The following ADGRG3 variants were observed in gnomAD, a reference collection of about 807,000 sequenced individuals.
The protein encoded by ADGRG3 is G protein-coupled receptor 97.
In ADGRG3, 39 loss-of-function variants were observed where a neutral mutation model predicts 54.3. The observed-to-expected ratio is 0.72, with a 90% CI of 0.56 to 0.94. The LOEUF (loss-of-function observed/expected upper bound fraction) is 0.94, where lower values mean the gene tolerates loss of function less well. Among genes scored for constraint, ADGRG3 ranks in the 40% least tolerant of loss-of-function variants. The pLI is 0.00. For missense variants in ADGRG3, 654 were observed against 694.6 expected (o/e 0.94, Z 0.66); for synonymous variants, 312 against 290.0 (o/e 1.08, Z -0.77).
intron 8 of ADGRG3, among the ~76,000 whole-genome samples, chr16:57,680,909 G>A (rs1360915308): frequency 1.3e-5 from 2 of 152,190 alleles, no homozygotes; most frequent in African/African-American, 4.8e-5. Flanking sequence ...AAGGTGCATG[G>A]ACTTCTGGCA....
intron 3 of ADGRG3, among the ~76,000 whole-genome samples, chr16:57,677,958 G>A (rs1253994271): frequency 3.3e-5 from 5 of 152,184 alleles, no homozygotes; most frequent in South Asian, 2.1e-4. Context: ...TGGGAAAACC[G>A]AGGCTCCACA....
intron 2 of ADGRG3, among the ~76,000 whole-genome samples, chr16:57,675,197 C>T (rs1211293997): frequency 7.9e-5 from 12 of 151,938 alleles, no homozygotes; most frequent in African/African-American, 2.9e-4. Context: ...ATACAGGGGC[C>T]AGGCACTGTG....
In ADGRG3 at chr16:57,684,077, G is replaced by T. The variant is rs762545443; in HGVS notation, c.1027G>T (p.Ala343Ser). The change falls in exon 9 of 12, where the codon GCT (alanine) becomes TCT (serine). Residue 343 changes from alanine to serine, a missense_variant. Transcript: ENST00000333493. ...TGATGCTGCCTGCTGGGCCCGGGGG[G>T]CTGTCTTCCACTACTTCCTGCTCTG... The part of the protein sequence containing the change: ...GSDAACWARG[A>S]VFHYFLLCAF... 1 of 1,613,974 alleles carries T rather than the reference G, an allele frequency of 6.2e-7. No homozygotes were observed. Among genetic ancestry groups the T allele is most frequent in the African/African-American group, 1.3e-5 (1 of 74,906 alleles).
rs749697653 is a variant in ADGRG3, at chr16:57,684,493, G to A, written c.1256+10G>A. ...GCACCTCTCTGGAGCTGTGAGTGGC[G>A]GCTGTGGGAGCAGGGGTGATGCCAG... On this transcript the variant is annotated intron_variant, in intron 10 of 11. Transcript: ENST00000333493. 6.2e-6 allele frequency: 10 copies of A among 1,603,602 alleles called. No homozygotes were observed. Among genetic ancestry groups the A allele is most frequent in the Admixed American group, 3.3e-5 (2 of 59,950 alleles).
chr16:57,671,933 C>T lies in ADGRG3; in HGVS notation c.59-1388C>T, dbSNP rs185954312. On this transcript the variant is annotated intron_variant, in intron 1 of 11. Coordinates refer to ENST00000333493, the MANE Select transcript of ADGRG3 (RefSeq NM_170776.5). Reference sequence around the variant, plus strand: ...CAGCACTTTGGAAGGCCAGGGTGAGCGGATCGCTTGAGCCCAGGGGTTTGA... The same window carrying T: ...CAGCACTTTGGAAGGCCAGGGTGAGTGGATCGCTTGAGCCCAGGGGTTTGA... 5.8e-3 allele frequency among the ~76,000 whole-genome samples: 882 copies of T among 152,242 alleles called. 5 individuals are homozygous for T. Among genetic ancestry groups the T allele is most frequent in the Non-Finnish European group, 8.3e-3 (562 of 68,012 alleles).
rs74566764 is a variant in ADGRG3 at position 57,685,859 on chromosome 16, G to T, written c.1473G>T (p.Gly491=). Reference sequence around the variant, plus strand: ...CGAGCCTGGTGGGTGTGACATGGGGGTTGGCCATCTTCACCCCGTTGGGCC... The same window carrying T: ...CGAGCCTGGTGGGTGTGACATGGGGTTTGGCCATCTTCACCCCGTTGGGCC... The part of the protein sequence containing the change: ...GLSSLVGVTW[G]LAIFTPLGLS... Residue 491 remains glycine (G), a synonymous_variant, in exon 11 of 12, where the codon GGG becomes GGT. Transcript: ENST00000333493. 10,175 of 1,614,140 alleles carry T rather than the reference G, an allele frequency of 6.3e-3. 47 individuals carry two copies. The highest frequency in any genetic ancestry group is 7.8e-3 in the Non-Finnish European group (9,153 of 1,180,028).
chr16:57,687,939 G>T (rs535139376), intron 11 of ADGRG3, among the ~76,000 whole-genome samples: 2 of 152,284 alleles, frequency 1.3e-5, no homozygotes, highest in East Asian at 3.9e-4. Context: ...TTTAGTTACA[G>T]ATTTCCTTGA....
At chr16:57,673,291 C>G (rs1385571911) in intron 1 of ADGRG3, 30 bp from the exon 2 acceptor site, 1 of 1,594,016 alleles carries the variant, frequency 6.3e-7, no homozygotes. Flanking sequence ...TTCGTCCAGC[C>G]CATTCACACT....
upstream of ADGRG3, chr16:57,668,160 C>T (rs1338852490): frequency 5.0e-6 from 3 of 594,580 alleles, no homozygotes; most frequent in Admixed American, 3.0e-5. Flanking sequence ...ACTGGGAGCA[C>T]TGCCCAGTTC....
At chr16:57,679,459 A>AGAGGTGT in intron 5 of ADGRG3, 148 bp downstream of exon 5, 1 of 909,966 alleles carries the variant, frequency 1.1e-6, no homozygotes, top group Non-Finnish European at 1.7e-6. Context: ...CCATACACAT[A>AGAGGTGT]ATTGGATCCA....
At chr16:57,668,854 C>T (rs577213052) in intron 1 of ADGRG3, among the ~76,000 whole-genome samples, 35 of 152,320 alleles carry the variant, frequency 2.3e-4, no homozygotes, top group African/African-American at 7.9e-4. Flanking sequence ...CCTCTCCTCC[C>T]GCACATGTCA....
intron 8 of ADGRG3, among the ~76,000 whole-genome samples, chr16:57,681,535 A>G (rs866239545): frequency 4.2e-4 from 64 of 152,254 alleles, no homozygotes; most frequent in African/African-American, 1.5e-3. Context: ...AGTCTGGCCA[A>G]CATGGTGAAA....
chr16:57,672,993 A>G (rs1462726195), intron 1 of ADGRG3, among the ~76,000 whole-genome samples: 1 of 152,206 alleles, frequency 6.6e-6, no homozygotes, highest in Non-Finnish European at 1.5e-5. Flanking sequence ...AATAACTGAA[A>G]AGCCAGGCAG....
Position 57,685,790 on chromosome 16 carries a change from G to A in ADGRG3, c.1404G>A (p.Glu468=). The change falls in exon 11 of 12, where the codon GAG becomes GAA. Residue 468 remains glutamate, a synonymous_variant. Transcript: ENST00000333493. ...FTLSRATAVK[E]RGKNRKKVLT... ...TGTCCCGTGCTACAGCGGTCAAGGA[G>A]CGGGGGAAGAACCGGAAGAAGGTGC... 1 of 1,614,244 alleles carries A rather than the reference G, an allele frequency of 6.2e-7. No homozygotes were observed. The highest frequency in any genetic ancestry group is 1.7e-5 in the Admixed American group (1 of 60,038).
At chr16:57,668,093 C>T (rs2048085474), upstream of ADGRG3, 1 of 567,114 alleles carries the variant, frequency 1.8e-6, no homozygotes, top group Non-Finnish European at 3.2e-6. Context: ...GCCCCGGGGG[C>T]ACATACCTGG....
Position 57,688,340 on chromosome 16 carries a change from C to T in ADGRG3, c.1541-12C>T, listed in dbSNP as rs746098838. Reference sequence around the variant, plus strand: ...CCTTTCCAGGCTCACCGAGGCCTCTCCTTCCTAACAGGTGTCTTCATCTGC... The same window carrying T: ...CCTTTCCAGGCTCACCGAGGCCTCTTCTTCCTAACAGGTGTCTTCATCTGC... On this transcript the variant is annotated splice_polypyrimidine_tract_variant and intron_variant, in intron 11 of 11. Transcript: ENST00000333493. 2.0e-5 allele frequency: 31 copies of T among 1,576,508 alleles called. No homozygotes were observed. The highest frequency in any genetic ancestry group is 1.7e-4 in the Admixed American group (10 of 59,960).
intron 2 of ADGRG3, among the ~76,000 whole-genome samples, chr16:57,674,021 A>G (rs1435032153): frequency 6.6e-6 from 1 of 152,162 alleles, no homozygotes; most frequent in Non-Finnish European, 1.5e-5. Flanking sequence ...AGCAGAGACT[A>G]AGGTGTGAAG....
At chr16:57,672,291 T>G (rs2048176993) in intron 1 of ADGRG3, among the ~76,000 whole-genome samples, 1 of 151,862 alleles carries the variant, frequency 6.6e-6, no homozygotes, top group Non-Finnish European at 1.5e-5. Context: ...TTTGGGCAGC[T>G]GAGGCAGGAG....
chr16:57,668,144 G>C (rs770567799), upstream of ADGRG3: 2 of 584,560 alleles, frequency 3.4e-6, no homozygotes, highest in African/African-American at 1.9e-5. Flanking sequence ...CCCAGGGTGC[G>C]GTGAGACTGG....
Sources: gnomAD v4.1 joint callset for allele counts (sites outside exome capture counted in the v4.1 genomes callset) on GRCh38, gnomAD v4.1.1 for gene constraint, MANE v1.5 for transcripts, NCBI Gene and HGNC (gene_info 2026-07-23, HGNC 2026-07-21) for gene names.